The following BID variants were observed in gnomAD, a reference collection of about 807,000 sequenced individuals.
The protein encoded by BID is BH3 interacting domain death agonist.
In BID, 19 loss-of-function variants were observed where a neutral mutation model predicts 17.4. That is an observed-to-expected ratio of 1.09 (90% CI 0.76 to 1.60). The LOEUF (loss-of-function observed/expected upper bound fraction) is 1.60, where lower values mean the gene tolerates loss of function less well. Among genes scored for constraint, BID ranks in the 40% most tolerant of loss-of-function variants. The pLI, the probability that BID is intolerant of heterozygous loss-of-function variation, is 0.00. For missense variants in BID, 226 were observed against 256.0 expected (o/e 0.88, Z 0.80); for synonymous variants, 108 against 102.8 (o/e 1.05, Z -0.31).
chr22:17,739,294 GA>G lies in BID; in HGVS notation c.363+54del, dbSNP rs971419433. 2.0e-6 allele frequency: 3 copies of G among 1,491,188 alleles called. No individual in the cohort carries two copies. In the African/African-American group the frequency reaches 4.1e-5, roughly 21 times the overall value. The allele number at this position is 1,491,188 out of a possible 1,614,324, so 92.4% of individuals were successfully genotyped here. Reference sequence around the variant, plus strand: ...GTGGGCTGCCTGGTGAGAGGCAGGGGACAGGCCCCCTTGGCTCACTTGCCCG... The same window carrying G: ...GTGGGCTGCCTGGTGAGAGGCAGGGGCAGGCCCCCTTGGCTCACTTGCCCG... On this transcript the variant is annotated intron_variant, in intron 4 of 5. Coordinates refer to ENST00000622694, the MANE Select transcript of BID (RefSeq NM_001196.4).
chr22:17,765,302 C>T (rs549183690), intron 1 of BID, among the ~76,000 whole-genome samples: 2 of 152,284 alleles, frequency 1.3e-5, no homozygotes, highest in South Asian at 4.2e-4. Context: ...AGATGGGGAA[C>T]TGAGGCATTG....
At chr22:17,772,693 C>T (rs550496335) in intron 1 of BID, among the ~76,000 whole-genome samples, 5 of 152,278 alleles carry the variant, frequency 3.3e-5, no homozygotes, top group Admixed American at 2.0e-4. Flanking sequence ...TGCTGGGGCT[C>T]CTGGGCAGAC....
In BID at chr22:17,773,450, G is replaced by C. The variant is rs913223225; in HGVS notation, c.-59+931C>G. 5.9e-5 allele frequency among the ~76,000 whole-genome samples: 9 copies of C among 152,188 alleles called. No homozygotes were observed. Among genetic ancestry groups the C allele is most frequent in the African/African-American group, 1.7e-4 (7 of 41,462 alleles). ...ATCCTCTGCAGCTCCCCCACAGTGA[G>C]AGCGAGGACTGAGGGTGTGGATAAG... is the stretch of plus-strand genomic sequence containing the variant. On this transcript the variant is annotated intron_variant, in intron 1 of 5. Coordinates refer to ENST00000622694, the MANE Select transcript of BID (RefSeq NM_001196.4). This position sits in a 1 kb window ranked among gnomAD's most constrained non-coding sequence, Gnocchi z 4.4.
rs1365827159 is a variant in BID at position 17,757,696 on chromosome 22, G to A, written c.-58-7522C>T. On this transcript the variant is annotated intron_variant, in intron 1 of 5. Transcript: ENST00000622694. ...TGTACTCCAGCCTGCGCGACAGAGC[G>A]AGACTCCGTCTCAAAAAAAAAAAAA... Among the ~76,000 whole-genome samples, 29 of 142,104 alleles carry A rather than the reference G, an allele frequency of 2.0e-4. No individual in the cohort carries two copies. In the East Asian group the frequency reaches 3.6e-3, roughly 18 times the overall value. The allele number at this position is 142,104 out of a possible 152,430, so 93.2% of individuals were successfully genotyped here.
intron 2 of BID, among the ~76,000 whole-genome samples, chr22:17,749,230 G>A (rs1462412227): frequency 1.3e-5 from 2 of 152,160 alleles, no homozygotes; most frequent in Non-Finnish European, 2.9e-5. Flanking sequence ...GAGAGCACCC[G>A]TGTGCTGTGA....
At chr22:17,752,310 G>A (rs1052681870) in intron 1 of BID, among the ~76,000 whole-genome samples, 7 of 152,168 alleles carry the variant, frequency 4.6e-5, no homozygotes, top group African/African-American at 9.7e-5. Context: ...CTCCTGGCAC[G>A]TAGCGGGTAG....
At chr22:17,750,081 C>G (rs1457318773) in intron 2 of BID, 24 bp downstream of exon 2, 15 of 1,610,554 alleles carry the variant, frequency 9.3e-6, no homozygotes, top group Admixed American at 1.7e-5. Context: ...CCACAAGGCA[C>G]CCGCAGGGGA....
chr22:17,738,943 T>A (rs137955652), intron 4 of BID, among the ~76,000 whole-genome samples: 43 of 152,204 alleles, frequency 2.8e-4, no homozygotes, highest in African/African-American at 9.9e-4. Context: ...GCCAAGCAGA[T>A]GGTAGAGCTC....
chr22:17,767,394 T>A (rs1350438469), intron 1 of BID, among the ~76,000 whole-genome samples: 1 of 152,114 alleles, frequency 6.6e-6, no homozygotes, highest in Non-Finnish European at 1.5e-5. Context: ...CAAAAAAAGT[T>A]TTCCACATTC....
chr22:17,736,457 C>CAAA (rs10559377), intron 5 of BID, among the ~76,000 whole-genome samples: 1 of 136,482 alleles, frequency 7.3e-6, no homozygotes, highest in African/African-American at 2.7e-5. Flanking sequence ...AATTCTGTCT[C>CAAA]AAAAAAAAAA....
chr22:17,759,941 G>C (rs1244832670), intron 1 of BID, among the ~76,000 whole-genome samples: 1 of 151,210 alleles, frequency 6.6e-6, no homozygotes. Flanking sequence ...AGGAGATCGA[G>C]ACCATCCTGG....
At chr22:17,745,211 C>T (rs1165534328) in intron 2 of BID, among the ~76,000 whole-genome samples, 7 of 151,978 alleles carry the variant, frequency 4.6e-5, no homozygotes, top group Admixed American at 6.6e-5. Flanking sequence ...TCACCACGCC[C>T]GGCTAATTTT....
chr22:17,768,724 T>C (rs1289367912), intron 1 of BID, among the ~76,000 whole-genome samples: 1 of 151,970 alleles, frequency 6.6e-6, no homozygotes, highest in East Asian at 1.9e-4. Context: ...ATAGAAAAAA[T>C]TAGCCGGCAT....
At chr22:17,766,580 G>T (rs1349129513) in intron 1 of BID, among the ~76,000 whole-genome samples, 2 of 142,562 alleles carry the variant, frequency 1.4e-5, no homozygotes, top group African/African-American at 5.3e-5. Context: ...TTCGCGCCCA[G>T]CCTTTTTTGT....
intron 1 of BID, among the ~76,000 whole-genome samples, chr22:17,760,541 G>A (rs1352000885): frequency 1.3e-5 from 2 of 150,166 alleles, no homozygotes; most frequent in Non-Finnish European, 3.0e-5. Context: ...CACTAAGAAT[G>A]AGAAAGCATT....
At chr22:17,744,039 C>T in intron 2 of BID, 26 bp from the exon 3 acceptor site, 1 of 1,597,766 alleles carries the variant, frequency 6.3e-7, no homozygotes. Context: ...AGTCAGGAAG[C>T]CGGGACTTCA....
chr22:17,743,301 G>A (rs1569040065), intron 3 of BID, among the ~76,000 whole-genome samples: 1 of 152,252 alleles, frequency 6.6e-6, no homozygotes, highest in Non-Finnish European at 1.5e-5. Flanking sequence ...CGCACCGGTA[G>A]TGCCACCTGG....
intron 1 of BID, among the ~76,000 whole-genome samples, chr22:17,763,166 T>C (rs5746474): frequency 0.53 from 80,786 of 151,762 alleles, 23,553 homozygotes; most frequent in African/African-American, 0.77. Flanking sequence ...CGTGAGAAAC[T>C]TCGCCTGGCC....
At chr22:17,738,452 T>C (rs1021440469) in intron 4 of BID, among the ~76,000 whole-genome samples, 5 of 152,212 alleles carry the variant, frequency 3.3e-5, no homozygotes, top group African/African-American at 1.2e-4. Context: ...GGTGAGCCCA[T>C]GTGCCCACTG....
Sources: allele counts gnomAD v4.1 joint callset (sites outside exome capture counted in the v4.1 genomes callset), GRCh38; gene constraint gnomAD v4.1.1; non-coding constraint Gnocchi (gnomAD v3.1); transcripts MANE v1.5; gene names NCBI Gene and HGNC (gene_info 2026-07-23, HGNC 2026-07-21).